The following OPCML variants were observed in gnomAD, a reference collection of about 807,000 sequenced individuals.
OPCML encodes the protein opioid binding protein/cell adhesion molecule like, also known as opioid-binding protein/cell adhesion molecule.
In OPCML, 13 loss-of-function variants were observed where a neutral mutation model predicts 37.8. That is an observed-to-expected ratio of 0.34 (90% CI 0.22 to 0.55). The LOEUF (loss-of-function observed/expected upper bound fraction) is 0.55. Among genes scored for constraint, OPCML ranks in the 20% least tolerant of loss-of-function variants. The pLI is 0.91. For synonymous variants in OPCML, 176 were observed against 168.8 expected (o/e 1.04, Z -0.33); for missense variants, 341 against 435.6 (o/e 0.78, Z 1.93).
chr11:133,248,252 T>G (rs531503715), intron 1 of OPCML, among the ~76,000 whole-genome samples: 1 of 152,212 alleles, frequency 6.6e-6, no homozygotes, highest in East Asian at 1.9e-4. Flanking sequence ...GCCAAAGAAG[T>G]GATTTTGAAA....
chr11:132,967,067 G>T (rs950355912), intron 1 of OPCML, among the ~76,000 whole-genome samples: 3 of 151,734 alleles, frequency 2.0e-5, no homozygotes, highest in East Asian at 1.9e-4. Flanking sequence ...TGTTTACTAC[G>T]TGTCACATGC....
chr11:133,504,344 T>G, intron 1 of OPCML, among the ~76,000 whole-genome samples: 1 of 152,304 alleles, frequency 6.6e-6, no homozygotes, highest in South Asian at 2.1e-4. Flanking sequence ...AGAGACTGGA[T>G]GAGGTTCACA....
chr11:132,928,486 C>T (rs1470830550), intron 2 of OPCML, among the ~76,000 whole-genome samples: 1 of 151,900 alleles, frequency 6.6e-6, no homozygotes, highest in Non-Finnish European at 1.5e-5. Flanking sequence ...CTAAGTTTGA[C>T]AGAATTGAAT....
At chr11:132,561,542 C>A (rs761048311) in intron 3 of OPCML, among the ~76,000 whole-genome samples, 8 of 152,184 alleles carry the variant, frequency 5.3e-5, no homozygotes, top group Non-Finnish European at 7.3e-5. Flanking sequence ...GGGCCTGGGA[C>A]AAGAGGCCCT....
At chr11:133,343,002 C>T (rs1450119257) in intron 1 of OPCML, among the ~76,000 whole-genome samples, 1 of 152,174 alleles carries the variant, frequency 6.6e-6, no homozygotes, top group East Asian at 1.9e-4. Flanking sequence ...CATCTCCCTA[C>T]ATTTTTTAAA....
At chr11:132,963,039 C>A (rs1308121090) in intron 1 of OPCML, among the ~76,000 whole-genome samples, 2 of 152,110 alleles carry the variant, frequency 1.3e-5, no homozygotes, top group Non-Finnish European at 2.9e-5. Context: ...CGTGACCACC[C>A]CTGGGCTCCA....
intron 1 of OPCML, among the ~76,000 whole-genome samples, chr11:132,955,422 G>GTCA (rs1221495500): frequency 6.6e-6 from 1 of 152,096 alleles, no homozygotes; most frequent in African/African-American, 2.4e-5. Context: ...AGTTGTCATT[G>GTCA]TCATCATCAT....
At chr11:132,702,335 G>A (rs542499662) in intron 2 of OPCML, among the ~76,000 whole-genome samples, 1 of 152,104 alleles carries the variant, frequency 6.6e-6, no homozygotes, top group East Asian at 1.9e-4. Flanking sequence ...TAATATTCTT[G>A]TTTAACGCTT....
chr11:133,303,244 T>C lies in OPCML; in HGVS notation c.61+229020A>G, dbSNP rs570238757. Among the ~76,000 whole-genome samples, 24 of 152,186 alleles carry C rather than the reference T, an allele frequency of 1.6e-4. No homozygotes were observed. In the South Asian group the frequency reaches 4.2e-3, roughly 26 times the overall value. On this transcript the variant is annotated intron_variant, in intron 1 of 7. Transcript: ENST00000524381. Reference sequence around the variant, plus strand: ...CCCCCTGGTGCACAGGAAAGACAATTAAGACACAGAAATGGAGGTTGGCAT... The same window carrying C: ...CCCCCTGGTGCACAGGAAAGACAATCAAGACACAGAAATGGAGGTTGGCAT...
intron 1 of OPCML, among the ~76,000 whole-genome samples, chr11:133,130,067 C>T (rs1016819569): frequency 3.3e-5 from 5 of 151,056 alleles, no homozygotes; most frequent in South Asian, 4.2e-4. Context: ...AACTGTATTC[C>T]ATACGTTCAA....
chr11:132,674,105 A>G (rs966482249), intron 2 of OPCML, among the ~76,000 whole-genome samples: 2 of 152,232 alleles, frequency 1.3e-5, no homozygotes, highest in Admixed American at 6.5e-5. Context: ...CTAATAAACC[A>G]GGCCAGGAGG....
chr11:132,823,825 C>T (rs1457076861), intron 2 of OPCML, among the ~76,000 whole-genome samples: 1 of 152,172 alleles, frequency 6.6e-6, no homozygotes, highest in Non-Finnish European at 1.5e-5. Context: ...CTATGGTTAA[C>T]CTGTGTGTTG....
intron 3 of OPCML, among the ~76,000 whole-genome samples, chr11:132,544,585 C>T (rs1339627615): frequency 6.6e-6 from 1 of 152,128 alleles, no homozygotes; most frequent in African/African-American, 2.4e-5. Context: ...ATTAGAGGCT[C>T]CAGTGTCACC....
rs151246009 is a variant in OPCML, at chr11:132,809,832, G to A, written c.146+133094C>T. On this transcript the variant is annotated intron_variant, in intron 2 of 7. Coordinates refer to ENST00000524381, the MANE Select transcript of OPCML (RefSeq NM_001012393.5). The stretch of plus-strand genomic sequence containing the variant: ...GTTTCTCTCCCTCCATCTTCTTCTT[G>A]TTTATTTATGTACTTATTTATTTTA... 1.1e-3 allele frequency among the ~76,000 whole-genome samples: 165 copies of A among 151,752 alleles called. 1 individual carries two copies. The highest frequency in any genetic ancestry group is 3.5e-3 in the African/African-American group (143 of 41,398).
At chr11:133,294,815 C>CTTTCT (rs1942583680) in intron 1 of OPCML, among the ~76,000 whole-genome samples, 3 of 56,554 alleles carry the variant, frequency 5.3e-5, no homozygotes, top group African/African-American at 2.5e-4. Context: ...TTCTTTCTTT[C>CTTTCT]TTTTTTTTTT....
intron 1 of OPCML, among the ~76,000 whole-genome samples, chr11:133,304,538 C>T (rs967743303): frequency 2.6e-5 from 4 of 152,152 alleles, no homozygotes; most frequent in Admixed American, 2.6e-4. Flanking sequence ...ATGTGCTTGG[C>T]CATTCTATGC....
intron 1 of OPCML, among the ~76,000 whole-genome samples, chr11:133,269,023 TG>T (rs1250091822): frequency 6.6e-6 from 1 of 152,220 alleles, no homozygotes; most frequent in Non-Finnish European, 1.5e-5. Flanking sequence ...GGACAGCTGG[TG>T]GCCCTGGATC....
intron 1 of OPCML, among the ~76,000 whole-genome samples, chr11:133,086,977 C>T (rs927541499): frequency 3.9e-5 from 6 of 152,172 alleles, no homozygotes; most frequent in Non-Finnish European, 7.3e-5. Context: ...CCCTTAGAAC[C>T]TAAGTATACA....
At chr11:133,486,879 T>G (rs1313238970) in intron 1 of OPCML, among the ~76,000 whole-genome samples, 1 of 146,544 alleles carries the variant, frequency 6.8e-6, no homozygotes, top group East Asian at 2.1e-4. Flanking sequence ...CCTCTCTATC[T>G]CTCCTTTCCC....
Sources: gnomAD v4.1 joint callset for allele counts (sites outside exome capture counted in the v4.1 genomes callset) on GRCh38, gnomAD v4.1.1 for gene constraint, MANE v1.5 for transcripts, NCBI Gene and HGNC (gene_info 2026-07-23, HGNC 2026-07-21) for gene names.